HSF2BP: variants seen among roughly 807,000 people sequenced by gnomAD.
The protein encoded by HSF2BP is heat shock factor 2-binding protein.
A neutral mutation model predicts 35.0 loss-of-function variants in HSF2BP; 35 were observed. The ratio of observed to expected loss-of-function variants is 1.00; its 90% confidence interval spans 0.76 to 1.32. The LOEUF is 1.32. Among genes scored for constraint, HSF2BP ranks in the 40% most tolerant of loss-of-function variants. The pLI is 0.00. For synonymous variants in HSF2BP, 114 were observed against 117.4 expected, an observed-to-expected ratio of 0.97 and a Z score of 0.18; for missense variants, 326 against 321.7, an observed-to-expected ratio of 1.01 and a Z score of -0.10.
chr21:43,619,519 C>T (rs372475242), intron 6 of HSF2BP, among the ~76,000 whole-genome samples: 1 of 152,184 alleles, frequency 6.6e-6, no homozygotes, highest in South Asian at 2.1e-4. Flanking sequence ...CGGCAACAGA[C>T]AAGTGAAAAA....
intron 8 of HSF2BP, among the ~76,000 whole-genome samples, chr21:43,580,961 G>A (rs1247846854): frequency 2.0e-5 from 3 of 152,222 alleles, no homozygotes; most frequent in Non-Finnish European, 4.4e-5. Context: ...ATAGCCAAAT[G>A]CCAGACACTG....
intron 7 of HSF2BP, among the ~76,000 whole-genome samples, chr21:43,601,376 T>C (rs1000660518): frequency 1.3e-5 from 2 of 152,226 alleles, no homozygotes; most frequent in African/African-American, 4.8e-5. Flanking sequence ...TTCCCCTGAT[T>C]ACTATGGAGA....
chr21:43,624,098 AAC>A (rs909915272), intron 6 of HSF2BP, among the ~76,000 whole-genome samples: 9 of 152,334 alleles, frequency 5.9e-5, no homozygotes, highest in Non-Finnish European at 7.3e-5. Context: ...CAAAAAGCTA[AAC>A]AGAGTTACTA....
intron 3 of HSF2BP, among the ~76,000 whole-genome samples, chr21:43,655,523 C>T (rs1250590519): frequency 1.3e-5 from 2 of 152,144 alleles, no homozygotes; most frequent in East Asian, 1.9e-4. Flanking sequence ...GCTAGGACTA[C>T]GGAAGAGGCC....
At chr21:43,578,199 A>G (rs969138851) in intron 8 of HSF2BP, among the ~76,000 whole-genome samples, 5 of 152,170 alleles carry the variant, frequency 3.3e-5, no homozygotes, top group Non-Finnish European at 7.4e-5. Flanking sequence ...ACCGGCACAC[A>G]GTAAGATGGC....
intron 7 of HSF2BP, among the ~76,000 whole-genome samples, chr21:43,605,739 C>A (rs1365174817): frequency 1.0e-5 from 1 of 96,386 alleles, no homozygotes; most frequent in African/African-American, 3.5e-5. Flanking sequence ...ATGACACCCA[C>A]CTCCCCCCAA....
chr21:43,604,712 A>T (rs2082105775), intron 7 of HSF2BP, among the ~76,000 whole-genome samples: 1 of 116,700 alleles, frequency 8.6e-6, no homozygotes, highest in Non-Finnish European at 1.7e-5. Flanking sequence ...ACTCACACGC[A>T]TCTCAGACAC....
intron 6 of HSF2BP, among the ~76,000 whole-genome samples, chr21:43,626,279 T>C (rs2082388447): frequency 6.6e-6 from 1 of 152,004 alleles, no homozygotes; most frequent in Non-Finnish European, 1.5e-5. Flanking sequence ...AAAAATAAAA[T>C]TTTCTCTCAC....
intron 6 of HSF2BP, among the ~76,000 whole-genome samples, chr21:43,625,640 G>A (rs547747923): frequency 6.6e-6 from 1 of 152,006 alleles, no homozygotes; most frequent in African/African-American, 2.4e-5. Flanking sequence ...CCATTTGAGA[G>A]CTAACCCATG....
At chr21:43,596,617 G>A (rs1020433139) in intron 7 of HSF2BP, among the ~76,000 whole-genome samples, 1 of 152,108 alleles carries the variant, frequency 6.6e-6, no homozygotes, top group African/African-American at 2.4e-5. Flanking sequence ...TATAATCCCA[G>A]CACTTTGGGA....
intron 2 of HSF2BP, among the ~76,000 whole-genome samples, chr21:43,656,975 G>A (rs2082878924): frequency 6.6e-6 from 1 of 152,216 alleles, no homozygotes; most frequent in Admixed American, 6.5e-5. Context: ...AAACAGGCCA[G>A]GCATGGTGGC....
At chr21:43,575,525 A>G (rs1173811797) in intron 8 of HSF2BP, among the ~76,000 whole-genome samples, 1 of 152,244 alleles carries the variant, frequency 6.6e-6, no homozygotes, top group Non-Finnish European at 1.5e-5. Flanking sequence ...AATAACTTAC[A>G]CTTGACTAGC....
At chr21:43,656,780 GA>G (rs774664402) in intron 2 of HSF2BP, 43 bp from the exon 3 acceptor site, 5 of 1,548,336 alleles carry the variant, frequency 3.2e-6, no homozygotes, top group Non-Finnish European at 3.5e-6. Context: ...CTTCACATGA[GA>G]AAAAAAACAA....
chr21:43,642,539 T>TATTCACCTTGCAGGAGCTTCCCTCTGC lies in HSF2BP; in HGVS notation c.291+1723_291+1749dup, dbSNP rs1293418996. Among the ~76,000 whole-genome samples, 90 of 152,050 alleles carry TATTCACCTTGCAGGAGCTTCCCTCTGC rather than the reference T, an allele frequency of 5.9e-4. 1 individual carries two copies. The South Asian group carries it at 0.018, about 31-fold the overall frequency. ...TTCACCTTACAGGAGCTTCCCTCTG[T>TATTCACCTTGCAGGAGCTTCCCTCTGC]ATTCACCTTGCAGGAGCTTCCCTCT... On this transcript the variant is annotated intron_variant, in intron 4 of 8. Coordinates refer to ENST00000291560, the MANE Select transcript of HSF2BP (RefSeq NM_007031.2).
At chr21:43,612,434 G>A (rs376382832) in intron 7 of HSF2BP, among the ~76,000 whole-genome samples, 128 of 152,166 alleles carry the variant, frequency 8.4e-4, no homozygotes, top group African/African-American at 3.0e-3. Flanking sequence ...GGTGGATCAC[G>A]AGGTCAGGAG....
At chr21:43,599,564 C>T (rs1297766646) in intron 7 of HSF2BP, among the ~76,000 whole-genome samples, 3 of 152,062 alleles carry the variant, frequency 2.0e-5, no homozygotes, top group African/African-American at 4.8e-5. Flanking sequence ...GAGGCTGAGG[C>T]GGGCAGGTCA....
chr21:43,574,252 C>T (rs539056158), intron 8 of HSF2BP, among the ~76,000 whole-genome samples: 1 of 152,202 alleles, frequency 6.6e-6, no homozygotes, highest in South Asian at 2.1e-4. Flanking sequence ...AGTCAGTTGC[C>T]ATGCACTGGC....
the HSF2BP span, among the ~76,000 whole-genome samples, chr21:43,467,888 C>CCA: frequency 4.3e-5 from 2 of 46,526 alleles, no homozygotes; most frequent in Non-Finnish European, 9.8e-5. Flanking sequence ...ACCACACACA[C>CCA]CACACACCAC....
intron 7 of HSF2BP, among the ~76,000 whole-genome samples, chr21:43,607,165 C>G (rs546581681): frequency 6.6e-6 from 1 of 152,104 alleles, no homozygotes; most frequent in South Asian, 2.1e-4. Context: ...TGGCACACAC[C>G]TGTAGTCCCA....
Sources: allele counts gnomAD v4.1 joint callset (sites outside exome capture counted in the v4.1 genomes callset), GRCh38; gene constraint gnomAD v4.1.1; transcripts MANE v1.5; gene names NCBI Gene and HGNC (gene_info 2026-07-23, HGNC 2026-07-21).